RPH3A: variants seen among roughly 807,000 people sequenced by gnomAD.
The protein encoded by RPH3A is rabphilin-3A.
RPH3A carries 48 observed loss-of-function variants against 102.2 expected under a neutral mutation model. The observed-to-expected ratio is 0.47, with a 90% confidence interval of 0.37 to 0.60. The LOEUF is 0.60. RPH3A is among the 20% of genes least tolerant of loss of function. RPH3A has a pLI of 0.00. For synonymous variants in RPH3A, 310 were observed against 324.3 expected (o/e 0.96, Z 0.47); for missense variants, 781 against 910.1 (o/e 0.86, Z 1.83).
chr12:112,747,560 C>G (rs766409997), intron 1 of RPH3A, among the ~76,000 whole-genome samples: 1 of 152,206 alleles, frequency 6.6e-6, no homozygotes, highest in Non-Finnish European at 1.5e-5. Flanking sequence ...TTAATTGCAT[C>G]TAGAACAGTG....
intron 2 of RPH3A, among the ~76,000 whole-genome samples, chr12:112,797,474 C>T (rs7132088): frequency 0.36 from 55,405 of 151,908 alleles, 10,653 homozygotes; most frequent in East Asian, 0.49. Context: ...ATCTGATTTC[C>T]TTTCTGCTAC....
chr12:112,720,626 A>T (rs1346741723), intron 1 of RPH3A, among the ~76,000 whole-genome samples: 3 of 152,178 alleles, frequency 2.0e-5, no homozygotes, highest in Non-Finnish European at 4.4e-5. Flanking sequence ...GGCTGGAGTG[A>T]TTCTCTTTCA....
At chr12:112,769,944 G>A (rs749091433) in intron 1 of RPH3A, among the ~76,000 whole-genome samples, 3 of 152,150 alleles carry the variant, frequency 2.0e-5, no homozygotes, top group Non-Finnish European at 2.9e-5. Context: ...TGATTTGTAT[G>A]CATTTGTATA....
At chr12:112,601,848 G>A (rs1429687067) in intron 1 of RPH3A, among the ~76,000 whole-genome samples, 2 of 152,170 alleles carry the variant, frequency 1.3e-5, no homozygotes, top group African/African-American at 2.4e-5. Flanking sequence ...GGCTGAGGTA[G>A]GAGGATTGCT....
chr12:112,795,865 C>T (rs1593007649), intron 2 of RPH3A, among the ~76,000 whole-genome samples: 6 of 152,228 alleles, frequency 3.9e-5, no homozygotes, highest in Admixed American at 3.9e-4. Flanking sequence ...GAGTAAATAT[C>T]CAACAAATGT....
intron 1 of RPH3A, among the ~76,000 whole-genome samples, chr12:112,665,337 A>G (rs2040076924): frequency 6.6e-6 from 1 of 152,226 alleles, no homozygotes; most frequent in Non-Finnish European, 1.5e-5. Flanking sequence ...AAGGGGACTT[A>G]GAAACAATCC....
intron 1 of RPH3A, among the ~76,000 whole-genome samples, chr12:112,707,270 A>G (rs982660170): frequency 1.4e-4 from 21 of 152,182 alleles, no homozygotes; most frequent in African/African-American, 5.1e-4. Flanking sequence ...TAGCCTCTCC[A>G]AACTGCTTTA....
At chr12:112,795,808 G>A (rs1287874876) in intron 2 of RPH3A, among the ~76,000 whole-genome samples, 1 of 152,222 alleles carries the variant, frequency 6.6e-6, no homozygotes, top group Admixed American at 6.5e-5. Flanking sequence ...GAATGCAGTT[G>A]TGAGAATTTT....
intron 1 of RPH3A, among the ~76,000 whole-genome samples, chr12:112,626,760 G>A (rs1819587781): frequency 1.8e-5 from 1 of 55,646 alleles, no homozygotes; most frequent in Non-Finnish European, 3.3e-5. Flanking sequence ...ACATGCACAC[G>A]TATGTTTATT....
intron 1 of RPH3A, among the ~76,000 whole-genome samples, chr12:112,635,930 G>T (rs1339767772): frequency 6.6e-6 from 1 of 152,144 alleles, no homozygotes; most frequent in Non-Finnish European, 1.5e-5. Context: ...TACAAAATCT[G>T]CCAGAAGAAT....
At chr12:112,684,594 A>C (rs1012639318) in intron 1 of RPH3A, among the ~76,000 whole-genome samples, 1 of 152,140 alleles carries the variant, frequency 6.6e-6, no homozygotes, top group African/African-American at 2.4e-5. Context: ...AATTATCTTC[A>C]TTAATTCTGC....
intron 1 of RPH3A, among the ~76,000 whole-genome samples, chr12:112,745,232 C>T (rs1267116708): frequency 6.6e-6 from 1 of 152,142 alleles, no homozygotes; most frequent in East Asian, 1.9e-4. Context: ...TGAATTCTCC[C>T]CAGTGCATTT....
intron 1 of RPH3A, among the ~76,000 whole-genome samples, chr12:112,642,414 C>T (rs965943110): frequency 6.6e-6 from 1 of 152,146 alleles, no homozygotes; most frequent in African/African-American, 2.4e-5. Flanking sequence ...TTTTCTATAA[C>T]AAATACATTT....
At chr12:112,694,683 C>CAG (rs60249683) in intron 1 of RPH3A, among the ~76,000 whole-genome samples, 25 of 103,294 alleles carry the variant, frequency 2.4e-4, no homozygotes, top group Admixed American at 8.0e-4. Context: ...CACACACACA[C>CAG]AGAGAGAGAG....
chr12:112,701,353 A>G (rs1034770782), intron 1 of RPH3A, among the ~76,000 whole-genome samples: 2 of 152,202 alleles, frequency 1.3e-5, no homozygotes, highest in African/African-American at 4.8e-5. Flanking sequence ...TGGTGGCTAA[A>G]ATTTCTCAGA....
chr12:112,679,068 C>T (rs1031456946), intron 1 of RPH3A, among the ~76,000 whole-genome samples: 9 of 152,180 alleles, frequency 5.9e-5, no homozygotes, highest in African/African-American at 2.2e-4. Context: ...GGAACACACT[C>T]GCCCTGTGTG....
chr12:112,671,823 C>T (rs1032933262), intron 1 of RPH3A, among the ~76,000 whole-genome samples: 3 of 151,502 alleles, frequency 2.0e-5, no homozygotes, highest in Admixed American at 6.6e-5. Context: ...TATTAGTCAG[C>T]GTTCTCCAGA....
At chr12:112,838,813 T>C (rs4766659) in intron 4 of RPH3A, among the ~76,000 whole-genome samples, 68,816 of 151,888 alleles carry the variant, frequency 0.45, 15,962 homozygotes, top group African/African-American at 0.53. Flanking sequence ...CATTTTGCCC[T>C]GTTTGTATTT....
chr12:112,785,230 G>GA (rs55642465), intron 1 of RPH3A, among the ~76,000 whole-genome samples: 98,961 of 141,210 alleles, frequency 0.7, 35,024 homozygotes, highest in East Asian at 0.8. Flanking sequence ...TCTCAAAAAA[G>GA]AAAAAAAAAA....
Sources: allele counts gnomAD v4.1 joint callset (sites outside exome capture counted in the v4.1 genomes callset), GRCh38; gene constraint gnomAD v4.1.1; transcripts MANE v1.5; gene names NCBI Gene and HGNC (gene_info 2026-07-23, HGNC 2026-07-21).